CDH10: variants seen among roughly 807,000 people sequenced by gnomAD.
CDH10 encodes cadherin-10.
Under a neutral mutation model 73.1 loss-of-function variants are expected in CDH10, and 30 were observed. The ratio of observed to expected loss-of-function variants is 0.41; its 90% CI spans 0.31 to 0.56. CDH10 has a LOEUF of 0.56. CDH10 is among the 20% of genes least tolerant of loss of function. The pLI is 0.27. For missense variants in CDH10, 815 were observed against 973.7 expected (o/e 0.84, Z 2.17); for synonymous variants, 345 against 348.2 (o/e 0.99, Z 0.10).
At chr5:24,603,427 A>G (rs1217785122) in intron 1 of CDH10, among the ~76,000 whole-genome samples, 10 of 152,238 alleles carry the variant, frequency 6.6e-5, no homozygotes, top group Non-Finnish European at 1.5e-4. Flanking sequence ...GAAGACAGAT[A>G]CACAAATCTT....
chr5:24,509,437 C>T lies in CDH10; in HGVS notation c.1256+129G>A, dbSNP rs2111748047. 3 of 698,554 alleles carry T rather than the reference C, an allele frequency of 4.3e-6. 1 individual carries two copies. The highest frequency in any genetic ancestry group is 2.4e-6 in the Non-Finnish European group (1 of 421,206). 43.3% of individuals were successfully genotyped at this position (698,554 alleles called of 1,614,324 possible). The stretch of plus-strand genomic sequence containing the variant: ...TGTATCTTTAGTAGAGACAGGGTTT[C>T]ACCATGTTGGCCAGGCTGGTCTCGA... On this transcript the variant is annotated intron_variant, in intron 7 of 11. Coordinates refer to ENST00000264463, the MANE Select transcript of CDH10 (RefSeq NM_006727.5).
intron 2 of CDH10, among the ~76,000 whole-genome samples, chr5:24,582,082 G>A (rs1399741957): frequency 6.6e-6 from 1 of 152,062 alleles, no homozygotes; most frequent in Non-Finnish European, 1.5e-5. Flanking sequence ...TCATACTATA[G>A]AACAGCAATT....
intron 2 of CDH10, among the ~76,000 whole-genome samples, chr5:24,545,723 T>G (rs554925630): frequency 6.6e-6 from 1 of 151,948 alleles, no homozygotes; most frequent in South Asian, 2.1e-4. Flanking sequence ...CTGGGACTCA[T>G]AGGCAGGATT....
intron 5 of CDH10, among the ~76,000 whole-genome samples, chr5:24,526,557 A>G (rs1743540385): frequency 6.6e-6 from 1 of 151,710 alleles, no homozygotes; most frequent in South Asian, 2.1e-4. Flanking sequence ...CCTCTCTTCA[A>G]CTAAACACTT....
intron 2 of CDH10, among the ~76,000 whole-genome samples, chr5:24,570,750 G>A (rs1349780558): frequency 6.6e-6 from 1 of 151,866 alleles, no homozygotes; most frequent in Non-Finnish European, 1.5e-5. Flanking sequence ...TAAAGAAAAT[G>A]TCTGCTTATG....
chr5:24,642,870 C>T (rs980241112), intron 1 of CDH10, among the ~76,000 whole-genome samples: 3 of 150,978 alleles, frequency 2.0e-5, no homozygotes, highest in South Asian at 2.1e-4. Context: ...TCAGGGAAGG[C>T]GTATGCATTC....
At chr5:24,633,631 C>T (rs559606487) in intron 1 of CDH10, among the ~76,000 whole-genome samples, 77 of 151,976 alleles carry the variant, frequency 5.1e-4, no homozygotes, top group African/African-American at 1.8e-3. Context: ...TTAGAGTTTA[C>T]TTGTAACTGC....
At chr5:24,530,082 G>A (rs1264521199) in intron 5 of CDH10, among the ~76,000 whole-genome samples, 1 of 130,476 alleles carries the variant, frequency 7.7e-6, no homozygotes, top group African/African-American at 2.9e-5. Context: ...CTGGGACCCT[G>A]ACCACCTGCT....
intron 5 of CDH10, among the ~76,000 whole-genome samples, chr5:24,524,624 C>T (rs1401091685): frequency 1.3e-5 from 2 of 151,988 alleles, no homozygotes; most frequent in African/African-American, 4.8e-5. Flanking sequence ...AATGTTTAGG[C>T]AGATAAATAT....
At chr5:24,617,317 A>G (rs2112159179) in intron 1 of CDH10, among the ~76,000 whole-genome samples, 1 of 152,246 alleles carries the variant, frequency 6.6e-6, no homozygotes, top group South Asian at 2.1e-4. Context: ...GAGAAAAATT[A>G]CCCCAAATGG....
intron 9 of CDH10, among the ~76,000 whole-genome samples, chr5:24,498,062 G>C (rs1742356247): frequency 6.6e-6 from 1 of 152,130 alleles, no homozygotes; most frequent in Non-Finnish European, 1.5e-5. Context: ...GCAGGTACCA[G>C]TATTTATTTA....
intron 2 of CDH10, among the ~76,000 whole-genome samples, chr5:24,552,248 T>A (rs1000087877): frequency 1.3e-5 from 2 of 152,076 alleles, no homozygotes; most frequent in Admixed American, 1.3e-4. Context: ...TCTAGAGATA[T>A]TGTGCTATTA....
chr5:24,602,203 T>C (rs1375679722), intron 1 of CDH10, among the ~76,000 whole-genome samples: 3 of 152,162 alleles, frequency 2.0e-5, no homozygotes, highest in Admixed American at 6.5e-5. Context: ...TTGTAAGCTT[T>C]CAGACATTAC....
Position 24,565,737 on chromosome 5 carries a change from G to A in CDH10, c.231+27523C>T, listed in dbSNP as rs544907744. ...TTATAACAAGACAGGGAGAACTCTC[G>A]CTCTCTGTCTCTATCTCTCTCTTTC... On this transcript the variant is annotated intron_variant, in intron 2 of 11. Coordinates refer to ENST00000264463, the MANE Select transcript of CDH10 (RefSeq NM_006727.5). Among the ~76,000 whole-genome samples, 35 of 151,744 alleles carry A rather than the reference G, an allele frequency of 2.3e-4. 1 individual carries two copies. Among genetic ancestry groups the A allele is most frequent in the South Asian group, 1.5e-3 (7 of 4,790 alleles).
At chr5:24,555,137 C>T (rs1744720475) in intron 2 of CDH10, among the ~76,000 whole-genome samples, 2 of 151,972 alleles carry the variant, frequency 1.3e-5, no homozygotes, top group South Asian at 4.1e-4. Context: ...TTCTAATGTT[C>T]TTTACTCTTC....
chr5:24,548,970 T>C (rs1579792793), intron 2 of CDH10, among the ~76,000 whole-genome samples: 1 of 152,084 alleles, frequency 6.6e-6, no homozygotes, highest in East Asian at 1.9e-4. Context: ...GAAAAATAGA[T>C]AATAATTGAG....
At chr5:24,601,266 T>C (rs1018660684) in intron 1 of CDH10, among the ~76,000 whole-genome samples, 1 of 152,136 alleles carries the variant, frequency 6.6e-6, no homozygotes, top group Non-Finnish European at 1.5e-5. Flanking sequence ...TTTTCTCCCA[T>C]GGGTTAATAT....
At chr5:24,521,408 G>T (rs924044279) in intron 5 of CDH10, among the ~76,000 whole-genome samples, 2 of 152,130 alleles carry the variant, frequency 1.3e-5, no homozygotes, top group African/African-American at 4.8e-5. Flanking sequence ...GCCGGGCATG[G>T]TGGTGCATGC....
intron 1 of CDH10, among the ~76,000 whole-genome samples, chr5:24,620,395 G>A (rs540337334): frequency 2.6e-5 from 4 of 152,042 alleles, no homozygotes; most frequent in African/African-American, 7.2e-5. Flanking sequence ...TTAAAAAGCA[G>A]TTATTCATTT....
Sources: allele counts gnomAD v4.1 joint callset (sites outside exome capture counted in the v4.1 genomes callset), GRCh38; gene constraint gnomAD v4.1.1; transcripts MANE v1.5; gene names NCBI Gene and HGNC (gene_info 2026-07-23, HGNC 2026-07-21).